The following NIBAN2 variants were observed in gnomAD, a reference collection of about 807,000 sequenced individuals.
NIBAN2 encodes protein Niban 2.
A neutral mutation model predicts 81.8 loss-of-function variants in NIBAN2; 36 were observed. That is an observed-to-expected ratio of 0.44 (90% confidence interval 0.34 to 0.58). NIBAN2 has a LOEUF of 0.58. Ranked by LOEUF, NIBAN2 falls within the 20% of genes least tolerant of loss-of-function variation. NIBAN2 has a pLI of 0.02. For synonymous variants in NIBAN2, 445 were observed against 441.6 expected (o/e 1.01, Z -0.10); for missense variants, 897 against 1,014.1 (o/e 0.88, Z 1.57).
intron 8 of NIBAN2, among the ~76,000 whole-genome samples, chr9:127,513,258 G>A (rs1003243462): frequency 1.3e-5 from 2 of 152,162 alleles, no homozygotes; most frequent in Non-Finnish European, 2.9e-5. Context: ...TTGAGCCCAT[G>A]GAGATAGAGT....
Position 127,524,926 on chromosome 9 carries a change from T to A in NIBAN2, c.421+132A>T, listed in dbSNP as rs1018677094. ...CGAAAGGCAAACAATGAGGTCTCCA[T>A]CCACAGCTCTAAGCCTAGTTGGTCT... On this transcript the variant is annotated intron_variant, in intron 4 of 13. Transcript: ENST00000373312. The A allele has an allele frequency of 2.3e-5, 15 of 651,392 alleles. No individual in the cohort carries two copies. The African/African-American group carries it at 2.7e-4, about 12-fold the overall frequency. The allele number at this position is 651,392 out of a possible 1,614,324, so 40.4% of individuals were successfully genotyped here.
rs1279600128 is a variant in NIBAN2, at chr9:127,559,092, A to G, written c.55+9728T>C. ...CGACTGAGTGCTGAAACCAACATAC[A>G]CTCTGGGAAACAAAGATCCACGGGC... On this transcript the variant is annotated intron_variant, in intron 1 of 13. Coordinates refer to ENST00000373312, the MANE Select transcript of NIBAN2 (RefSeq NM_022833.4). This position sits in a 1 kb window ranked among gnomAD's most constrained non-coding sequence, Gnocchi z 4.0. Among the ~76,000 whole-genome samples the G allele has an allele frequency of 6.6e-6, 1 of 151,760 alleles. No individual in the cohort carries two copies. The highest frequency in any genetic ancestry group is 6.6e-5 in the Admixed American group (1 of 15,238).
intron 2 of NIBAN2, among the ~76,000 whole-genome samples, chr9:127,528,140 CGGTA>C (rs1837111981): frequency 6.6e-6 from 1 of 152,186 alleles, no homozygotes; most frequent in Non-Finnish European, 1.5e-5. Flanking sequence ...ATGACCACTA[CGGTA>C]GGACTCAGCG....
In NIBAN2 at chr9:127,505,398, C is replaced by A. The variant is rs369125133; in HGVS notation, c.*1447G>T. ...GCATGAACAGTGTGCATAATATTTTCAATACAATATCAGGGAGGGATGATG... is the reference window on the plus strand; with the variant it reads ...GCATGAACAGTGTGCATAATATTTTAAATACAATATCAGGGAGGGATGATG... On this transcript the variant is annotated 3_prime_UTR_variant, in exon 14 of 14. Transcript: ENST00000373312. 4.6e-5 allele frequency: 7 copies of A among 152,760 alleles called. No individual in the cohort carries two copies. The highest frequency in any genetic ancestry group is 1.7e-4 in the African/African-American group (7 of 41,564). 9.5% of individuals were successfully genotyped at this position (152,760 alleles called of 1,614,324 possible).
At chr9:127,529,923 A>C (rs1837147004) in intron 2 of NIBAN2, among the ~76,000 whole-genome samples, 1 of 152,100 alleles carries the variant, frequency 6.6e-6, no homozygotes, top group Non-Finnish European at 1.5e-5. Flanking sequence ...CCTTGCTTAC[A>C]TGTTGCTATT....
At chr9:127,512,271 A>C (rs1434670799) in intron 8 of NIBAN2, among the ~76,000 whole-genome samples, 1 of 147,586 alleles carries the variant, frequency 6.8e-6, no homozygotes, top group Non-Finnish European at 1.5e-5. Flanking sequence ...TCCGGACTGA[A>C]CCATGTTCAT....
In NIBAN2 at chr9:127,568,913, C is replaced by A. The variant is rs1837906399; in HGVS notation, c.-39G>T. 8.0e-7 allele frequency: 1 copy of A among 1,246,794 alleles called. No individual in the cohort carries two copies. The highest frequency in any genetic ancestry group is 3.5e-5 in the East Asian group (1 of 28,376). 77.2% of individuals were successfully genotyped at this position (1,246,794 alleles called of 1,614,324 possible). A position where few individuals can be genotyped will look rare whatever the true frequency, so the allele number is the denominator to read the frequency against. On this transcript the variant is annotated 5_prime_UTR_variant, in exon 1 of 14. Coordinates refer to ENST00000373312, the MANE Select transcript of NIBAN2 (RefSeq NM_022833.4). Reference sequence around the variant, plus strand: ...CGCGGCCCGATCCGGCCGACGCCGCCGCTGTTGCCCGCGCTGCTCAGGCGG... The same window carrying A: ...CGCGGCCCGATCCGGCCGACGCCGCAGCTGTTGCCCGCGCTGCTCAGGCGG...
Position 127,531,725 on chromosome 9 carries a change from C to T in NIBAN2, c.109G>A (p.Gly37Ser). The stretch of plus-strand genomic sequence containing the variant: ...CGCATGCTGTTGAAGAGAGCCACGC[C>T]ATACTGGTCTTCATAGAACTGGAGG... ...EFLQFYEDQY[G>S]VALFNSMRHE... Residue 37 changes from glycine (G) to serine (S), a missense_variant, in exon 2 of 14, where the codon GGC becomes AGC. Gly to Ser is a moderately conservative substitution (Grantham distance 56, BLOSUM62 0). Around this residue, in one of 3 missense-constraint regions of NIBAN2, gnomAD observed 209 missense variants for 208.4 expected, o/e 1.00. Coordinates refer to ENST00000373312, the MANE Select transcript of NIBAN2 (RefSeq NM_022833.4). 1 of 1,614,234 alleles carries T rather than the reference C, an allele frequency of 6.2e-7. No homozygotes were observed. Among genetic ancestry groups the T allele is most frequent in the Non-Finnish European group, 8.5e-7 (1 of 1,180,050 alleles).
intron 1 of NIBAN2, among the ~76,000 whole-genome samples, chr9:127,565,946 TCA>T (rs10682812): frequency 0.014 from 1,845 of 130,404 alleles, 19 homozygotes; most frequent in Non-Finnish European, 0.019. Context: ...TCTCTCTCTC[TCA>T]CACACACACA....
chr9:127,531,157 G>C (rs1048868380), intron 2 of NIBAN2, among the ~76,000 whole-genome samples: 4 of 146,470 alleles, frequency 2.7e-5, no homozygotes, highest in Non-Finnish European at 6.0e-5. Flanking sequence ...TCCAGCCTGG[G>C]CAACAGCAAG....
chr9:127,524,995 C>T, intron 4 of NIBAN2, 63 bp downstream of exon 4: 2 of 1,325,740 alleles, frequency 1.5e-6, no homozygotes, highest in Non-Finnish European at 2.2e-6. Flanking sequence ...AGGGCCACCC[C>T]TCCCCTGGCC....
rs1370350299 is a variant in NIBAN2 at position 127,507,144 on chromosome 9, C to T, written c.1942G>A (p.Asp648Asn). ...SPESPPPASP[D>N]GVTEIRGLLA... ...AGGCCTCGGATCTCAGTGACACCGTCCGGGGACGCAGGTGGTGGTGACTCA... is the reference window on the plus strand; with the variant it reads ...AGGCCTCGGATCTCAGTGACACCGTTCGGGGACGCAGGTGGTGGTGACTCA... Residue 648 changes from aspartate (D) to asparagine (N), a missense_variant, in exon 14 of 14, where the codon GAC (aspartate) becomes AAC (asparagine). By Grantham distance (23) the Asp-to-Asn change is conservative. Around this residue, in one of 3 missense-constraint regions of NIBAN2, gnomAD observed 619 missense variants for 691.0 expected, o/e 0.90. Coordinates refer to ENST00000373312, the MANE Select transcript of NIBAN2 (RefSeq NM_022833.4). This position sits in a 1 kb window ranked among gnomAD's most constrained non-coding sequence, Gnocchi z 6.8. 3 of 1,605,582 alleles carry T rather than the reference C, an allele frequency of 1.9e-6. No homozygotes were observed. The highest frequency in any genetic ancestry group is 2.5e-6 in the Non-Finnish European group (3 of 1,176,608).
intron 1 of NIBAN2, among the ~76,000 whole-genome samples, chr9:127,562,442 G>A (rs1402329042): frequency 2.6e-5 from 4 of 152,148 alleles, no homozygotes; most frequent in African/African-American, 4.8e-5. Flanking sequence ...TTATCACTCC[G>A]AGCCTGATTA....
intron 1 of NIBAN2, among the ~76,000 whole-genome samples, chr9:127,548,932 A>G (rs141541031): frequency 5.9e-5 from 9 of 152,330 alleles, no homozygotes; most frequent in African/African-American, 2.2e-4. Flanking sequence ...TAACGGCCTC[A>G]GATGCCCAGG....
chr9:127,546,425 C>T (rs560235460), intron 1 of NIBAN2, among the ~76,000 whole-genome samples: 1 of 152,328 alleles, frequency 6.6e-6, no homozygotes, highest in Non-Finnish European at 1.5e-5. Flanking sequence ...GTGCCCCCCA[C>T]GGGCCTGGAC....
rs1234066912 is a variant in NIBAN2 at position 127,569,005 on chromosome 9, G to C, written c.-131C>G. 1 of 619,762 alleles carries C rather than the reference G, an allele frequency of 1.6e-6. No individual in the cohort carries two copies. Among genetic ancestry groups the C allele is most frequent in the Admixed American group, 9.9e-5 (1 of 10,138 alleles). The allele number at this position is 619,762 out of a possible 1,614,324, so 38.4% of individuals were successfully genotyped here. A position where few individuals can be genotyped will look rare whatever the true frequency, so the allele number is the denominator to read the frequency against. On this transcript the variant is annotated 5_prime_UTR_variant, in exon 1 of 14. Transcript: ENST00000373312. ...CGCTCCCGCCGCTCCCGCCGCTCCC[G>C]CCGCCCGGCTGCGGCTTCCGCTCCG... is the stretch of plus-strand genomic sequence containing the variant.
rs1295051690 is a variant in NIBAN2 at position 127,545,168 on chromosome 9, GC to G, written c.56-13391del. Among the ~76,000 whole-genome samples, 1 of 152,106 alleles carries G rather than the reference GC, an allele frequency of 6.6e-6. No homozygotes were observed. Among genetic ancestry groups the G allele is most frequent in the African/African-American group, 2.4e-5 (1 of 41,434 alleles). Reference sequence around the variant, plus strand: ...GTCCCACGTCTACAGTGCCCTCCTAGCGTCCACCCCTTGTGCCTGGCCAACT... The same window carrying G: ...GTCCCACGTCTACAGTGCCCTCCTAGGTCCACCCCTTGTGCCTGGCCAACT... On this transcript the variant is annotated intron_variant, in intron 1 of 13. Transcript: ENST00000373312. This position sits in a 1 kb window ranked among gnomAD's most constrained non-coding sequence, Gnocchi z 4.7.
chr9:127,507,222 C>A lies in NIBAN2; in HGVS notation c.1864G>T (p.Val622Leu), dbSNP rs138795717. The change falls in exon 14 of 14, where the codon GTG becomes TTG. Residue 622 changes from valine (V) to leucine (L), a missense_variant. Val to Leu is a conservative substitution (Grantham distance 32). Coordinates refer to ENST00000373312, the MANE Select transcript of NIBAN2 (RefSeq NM_022833.4). The surrounding 1 kb of genome is among the most constrained non-coding windows in gnomAD (Gnocchi z 6.8). ...LSEKRRRAKQVVSVVQDEEVG... is the reference protein window; with the variant it reads ...LSEKRRRAKQLVSVVQDEEVG... ...TCCTCATCCTGGACCACAGAGACCA[C>A]CTGCTTGGCGCGCCGTCGCTTTTCC... is the stretch of plus-strand genomic sequence containing the variant. 6.2e-7 allele frequency: 1 copy of A among 1,612,428 alleles called. No homozygotes were observed. The highest frequency in any genetic ancestry group is 1.1e-5 in the South Asian group (1 of 91,048).
intron 1 of NIBAN2, among the ~76,000 whole-genome samples, chr9:127,565,759 G>GGT: frequency 1.4e-5 from 2 of 147,014 alleles, no homozygotes; most frequent in African/African-American, 2.5e-5. Flanking sequence ...CTCCAGCCTG[G>GGT]GACAGAGAGT....
Sources: allele counts gnomAD v4.1 joint callset (sites outside exome capture counted in the v4.1 genomes callset), GRCh38; gene constraint gnomAD v4.1.1; regional missense constraint gnomAD v4.1.1; non-coding constraint Gnocchi (gnomAD v3.1); transcripts MANE v1.5; gene names NCBI Gene and HGNC (gene_info 2026-07-23, HGNC 2026-07-21).